MYOZ3: variants seen among roughly 807,000 people sequenced by gnomAD.
MYOZ3 encodes the protein myozenin-3.
Under a neutral mutation model 26.5 loss-of-function variants are expected in MYOZ3, and 19 were observed. The observed-to-expected ratio is 0.72, with a 90% CI of 0.50 to 1.05. The LOEUF (loss-of-function observed/expected upper bound fraction) is 1.05, where lower values mean the gene tolerates loss of function less well. Ranked by LOEUF, MYOZ3 falls within the 50% of genes least tolerant of loss-of-function variation. The probability of loss-of-function intolerance (pLI) is 0.00; values close to 1 mark genes in which losing one functional copy is unlikely to be tolerated. For missense variants in MYOZ3, 322 were observed against 337.1 expected (o/e 0.96, Z 0.35); for synonymous variants, 135 against 138.8 (o/e 0.97, Z 0.19).
chr5:150,667,819 T>C (rs1044699378), intron 2 of MYOZ3, among the ~76,000 whole-genome samples: 1 of 152,234 alleles, frequency 6.6e-6, no homozygotes, highest in South Asian at 2.1e-4. Flanking sequence ...CCTTCATTCC[T>C]AAATTTCAAA....
At position 150,671,820 on chromosome 5, in the gene MYOZ3, A is replaced by AG; in HGVS notation, c.336_337insG (p.Pro113AlafsTer132). 1 of 1,611,604 alleles carries AG rather than the reference A, an allele frequency of 6.2e-7. No homozygotes were observed. The highest frequency in any genetic ancestry group is 8.5e-7 in the Non-Finnish European group (1 of 1,179,620). ...CGGAGCTCCACATCTTCCCGGCCTC[A>AG]CCCGGGGCCTCACTCGGGGGTCCCG... On this transcript the variant is annotated frameshift_variant, in exon 5 of 7. Coordinates refer to ENST00000517768, the MANE Select transcript of MYOZ3 (RefSeq NM_001122853.3). LOFTEE classifies it high-confidence loss of function.
chr5:150,675,255 T>C (rs1758985677), intron 6 of MYOZ3, among the ~76,000 whole-genome samples: 1 of 152,232 alleles, frequency 6.6e-6, no homozygotes, highest in Non-Finnish European at 1.5e-5. Flanking sequence ...TGTGTGTTAA[T>C]ACTTTGCACT....
chr5:150,672,621 T>C, intron 6 of MYOZ3, 119 bp downstream of exon 6: 2 of 1,213,962 alleles, frequency 1.6e-6, no homozygotes, highest in South Asian at 3.2e-5. Flanking sequence ...TCCCCAGCGC[T>C]TTCTATTCAT....
In MYOZ3 at chr5:150,668,827, T is replaced by C. The variant is rs1007248842; in HGVS notation, c.62-1657T>C. On this transcript the variant is annotated intron_variant, in intron 2 of 6. Coordinates refer to ENST00000517768, the MANE Select transcript of MYOZ3 (RefSeq NM_001122853.3). ...AACAGCCATCACCCTGAAAATCCTC[T>C]AAATAGCTGTAAAGACTAGTTCCAA... 2.0e-4 allele frequency among the ~76,000 whole-genome samples: 31 copies of C among 152,228 alleles called. 1 individual carries two copies. Among genetic ancestry groups the C allele is most frequent in the Admixed American group, 2.0e-3 (31 of 15,282 alleles).
chr5:150,666,630 A>ATATATATATATATATATAT (rs759319162), intron 2 of MYOZ3, among the ~76,000 whole-genome samples: 1 of 123,064 alleles, frequency 8.1e-6, no homozygotes, highest in African/African-American at 3.3e-5. Flanking sequence ...AAAAAAAAAA[A>ATATATATATATATATATAT]ATATATATAT....
chr5:150,669,352 CAGG>C (rs1216265403), intron 2 of MYOZ3, among the ~76,000 whole-genome samples: 1 of 151,248 alleles, frequency 6.6e-6, no homozygotes, highest in Non-Finnish European at 1.5e-5. Flanking sequence ...GAGCCTAAGG[CAGG>C]AGAATTGCTT....
chr5:150,666,626 AAAAAAT>A lies in MYOZ3; in HGVS notation c.61+3626_61+3631del, dbSNP rs1482778209. Among the ~76,000 whole-genome samples the A allele has an allele frequency of 8.1e-3, 1,148 of 141,980 alleles. 12 individuals carry two copies. The highest frequency in any genetic ancestry group is 0.027 in the African/African-American group (996 of 36,730). The allele number at this position is 141,980 out of a possible 152,430, so 93.1% of individuals were successfully genotyped here. On this transcript the variant is annotated intron_variant, in intron 2 of 6. Transcript: ENST00000517768. ...AAGACTCTGTCTCAAAAAAAAAAAA[AAAAAAT>A]ATATATATATATATATACACACACA...
At chr5:150,664,880 GAAAGTTCATCATA>G (rs1268420345) in intron 2 of MYOZ3, among the ~76,000 whole-genome samples, 3 of 152,206 alleles carry the variant, frequency 2.0e-5, no homozygotes, top group African/African-American at 7.2e-5. Context: ...GAACGGCTTT[GAAAGTTCATCATA>G]ATGGAACCAT....
chr5:150,673,466 T>C (rs940961186), intron 6 of MYOZ3, among the ~76,000 whole-genome samples: 1 of 152,024 alleles, frequency 6.6e-6, no homozygotes, highest in Non-Finnish European at 1.5e-5. Context: ...TTAGCCTCCC[T>C]AGTAGCTGGG....
At chr5:150,663,318 G>A (rs1237990416) in intron 2 of MYOZ3, among the ~76,000 whole-genome samples, 2 of 152,208 alleles carry the variant, frequency 1.3e-5, no homozygotes, top group African/African-American at 4.8e-5. Flanking sequence ...TGAAGACTCT[G>A]GTCCCAACTC....
chr5:150,675,129 C>T (rs1443500833), intron 6 of MYOZ3, among the ~76,000 whole-genome samples: 1 of 152,212 alleles, frequency 6.6e-6, no homozygotes, highest in Non-Finnish European at 1.5e-5. Flanking sequence ...CCTCCAATCC[C>T]AGTTGCCTTC....
Position 150,672,325 on chromosome 5 carries a change from C to G in MYOZ3, c.425-15C>G, listed in dbSNP as rs745601250. 8.8e-6 allele frequency: 14 copies of G among 1,586,648 alleles called. No homozygotes were observed. The highest frequency in any genetic ancestry group is 1.2e-5 in the Non-Finnish European group (14 of 1,167,140). ...GTGGAAGAACGGAGGCGCTCCCTTC[C>G]CCCCGCGCCCCTAGGCTATGCGGAG... On this transcript the variant is annotated splice_polypyrimidine_tract_variant and intron_variant, in intron 5 of 6. Transcript: ENST00000517768.
At position 150,671,780 on chromosome 5, in the gene MYOZ3, G is replaced by A. The variant is rs754405560; in HGVS notation, c.296G>A (p.Gly99Glu). ...GTTGCCAATGCCAATGGCCCTGAGGGGCCGAACTACCGCTCGGAGCTCCAC... is the reference window on the plus strand; with the variant it reads ...GTTGCCAATGCCAATGGCCCTGAGGAGCCGAACTACCGCTCGGAGCTCCAC... ...GTVANANGPEGPNYRSELHIF... is the reference protein window; with the variant it reads ...GTVANANGPEEPNYRSELHIF... The change falls in exon 5 of 7, where the codon GGG becomes GAG. Residue 99 changes from glycine to glutamate, a missense_variant. Physicochemically the swap from Gly to Glu is moderately conservative, Grantham distance 98. Transcript: ENST00000517768. 6.2e-6 allele frequency: 10 copies of A among 1,613,198 alleles called. No individual in the cohort carries two copies. In the South Asian group the frequency reaches 1.1e-4, roughly 18 times the overall value.
chr5:150,672,011 T>C, intron 5 of MYOZ3, 103 bp downstream of exon 5: 1 of 1,411,780 alleles, frequency 7.1e-7, no homozygotes, highest in Non-Finnish European at 9.4e-7. Flanking sequence ...GTCCGCCCCC[T>C]TCCCCAACAC....
chr5:150,663,803 G>A (rs113398397), intron 2 of MYOZ3, among the ~76,000 whole-genome samples: 8 of 151,446 alleles, frequency 5.3e-5, no homozygotes, highest in Admixed American at 2.0e-4. Flanking sequence ...GAGACCAGCC[G>A]GGGCAACATG....
intron 2 of MYOZ3, chr5:150,670,210 C>G: frequency 3.2e-6 from 1 of 310,296 alleles, no homozygotes. Context: ...GGGCAAAGAC[C>G]TGCATGGGGA....
At position 150,675,339 on chromosome 5, in the gene MYOZ3, G is replaced by A. The variant is rs147304933; in HGVS notation, c.588-1368G>A. ...TACCATACTAATACGTAGAGCTCTA[G>A]TTCCTTTTAAGCTGCTGTATAGTTT... On this transcript the variant is annotated intron_variant, in intron 6 of 6. Transcript: ENST00000517768. Among the ~76,000 whole-genome samples the A allele has an allele frequency of 6.3e-4, 96 of 152,100 alleles. 1 individual carries two copies. In the East Asian group the frequency reaches 0.018, roughly 29 times the overall value.
chr5:150,673,899 G>A (rs1228134937), intron 6 of MYOZ3, among the ~76,000 whole-genome samples: 1 of 152,154 alleles, frequency 6.6e-6, no homozygotes, highest in Non-Finnish European at 1.5e-5. Flanking sequence ...AGGACGCCAC[G>A]GTCCTGCTCT....
intron 2 of MYOZ3, among the ~76,000 whole-genome samples, chr5:150,664,996 T>A (rs1476128711): frequency 6.6e-6 from 1 of 151,630 alleles, no homozygotes; most frequent in Non-Finnish European, 1.5e-5. Flanking sequence ...ATGGGCTAAA[T>A]ACTATATGCT....
Sources: gnomAD v4.1 joint callset for allele counts (sites outside exome capture counted in the v4.1 genomes callset) on GRCh38, gnomAD v4.1.1 for gene constraint, MANE v1.5 for transcripts, NCBI Gene and HGNC (gene_info 2026-07-23, HGNC 2026-07-21) for gene names.